GPHN: variants seen among roughly 807,000 people sequenced by gnomAD.
The protein encoded by GPHN is gephyrin.
Under a neutral mutation model 95.5 loss-of-function variants are expected in GPHN, and 17 were observed. The ratio of observed to expected loss-of-function variants is 0.18; its 90% confidence interval spans 0.12 to 0.27. The LOEUF (loss-of-function observed/expected upper bound fraction) is 0.27. Among genes scored for constraint, GPHN ranks in the 10% least tolerant of loss-of-function variants. The pLI, the probability that GPHN is intolerant of heterozygous loss-of-function variation, is 1.00. For missense variants in GPHN, 660 were observed against 978.1 expected (o/e 0.67, Z 4.34); for synonymous variants, 320 against 322.5 (o/e 0.99, Z 0.08).
intron 18 of GPHN, among the ~76,000 whole-genome samples, chr14:67,158,289 G>A (rs1872678814): frequency 7.1e-6 from 1 of 140,308 alleles, no homozygotes. Flanking sequence ...CCTGGAGGAC[G>A]AGAGCAAAAC....
chr14:67,648,010 ATTATT>A, the GPHN span: 3 of 1,546,598 alleles, frequency 1.9e-6, no homozygotes, highest in South Asian at 3.5e-5. Context: ...CCAGTTAAGT[ATTATT>A]TTAAGTATTA....
At chr14:66,686,370 A>G (rs1219540750) in intron 2 of GPHN, among the ~76,000 whole-genome samples, 7 of 152,176 alleles carry the variant, frequency 4.6e-5, no homozygotes, top group East Asian at 1.9e-4. Context: ...GATTCTTCCT[A>G]TCCATGAGCA....
intron 20 of GPHN, among the ~76,000 whole-genome samples, chr14:67,166,251 G>A (rs1411039397): frequency 1.3e-5 from 2 of 152,206 alleles, no homozygotes; most frequent in Non-Finnish European, 2.9e-5. Context: ...ATAGTCCTCA[G>A]AATGTATCTG....
At chr14:66,599,930 T>C (rs1192036670) in intron 1 of GPHN, among the ~76,000 whole-genome samples, 2 of 152,082 alleles carry the variant, frequency 1.3e-5, no homozygotes, top group African/African-American at 4.8e-5. Flanking sequence ...TTGGTAATTA[T>C]GTATGATGTT....
chr14:67,057,650 C>A (rs959326101), intron 10 of GPHN, among the ~76,000 whole-genome samples: 2 of 152,160 alleles, frequency 1.3e-5, no homozygotes, highest in African/African-American at 4.8e-5. Flanking sequence ...TTACTACCCT[C>A]TTTTTCTTTC....
chr14:66,984,016 T>C (rs1249673066), intron 9 of GPHN, among the ~76,000 whole-genome samples: 7 of 152,200 alleles, frequency 4.6e-5, no homozygotes, highest in Non-Finnish European at 7.3e-5. Flanking sequence ...AGATACCTAA[T>C]GTTGCTGAGC....
chr14:66,641,463 T>TATA (rs1346335775), intron 1 of GPHN, among the ~76,000 whole-genome samples: 1 of 152,182 alleles, frequency 6.6e-6, no homozygotes, highest in Non-Finnish European at 1.5e-5. Context: ...ATGGATGTTT[T>TATA]ATAATAATAA....
At chr14:67,057,198 T>C (rs8019510) in intron 10 of GPHN, among the ~76,000 whole-genome samples, 49,457 of 151,522 alleles carry the variant, frequency 0.33, 12,756 homozygotes, top group African/African-American at 0.7. Context: ...GTGCCAAGAG[T>C]GAGTGGGGGC....
intron 8 of GPHN, among the ~76,000 whole-genome samples, chr14:66,942,739 A>T (rs1156343350): frequency 1.3e-5 from 2 of 152,196 alleles, no homozygotes; most frequent in Admixed American, 1.3e-4. Context: ...CATGTAACTA[A>T]ATATGCCAAA....
At chr14:67,553,009 A>T in the GPHN span, among the ~76,000 whole-genome samples, 7 of 152,244 alleles carry the variant, frequency 4.6e-5, no homozygotes, top group Non-Finnish European at 8.8e-5. Flanking sequence ...GGTTCTGACC[A>T]ATGTCATTGA....
At chr14:67,223,851 C>T in the GPHN span, 1 of 985,784 alleles carries the variant, frequency 1.0e-6, no homozygotes, top group Non-Finnish European at 1.2e-6. Context: ...CTTTTACTCT[C>T]ACTTAACACC....
At chr14:66,678,623 A>G (rs898624551) in intron 1 of GPHN, among the ~76,000 whole-genome samples, 12 of 141,850 alleles carry the variant, frequency 8.5e-5, no homozygotes, top group African/African-American at 3.3e-4. Flanking sequence ...TTGTGTTTCT[A>G]TGGCAGTGTC....
chr14:67,022,390 C>A (rs1410855991), intron 9 of GPHN, among the ~76,000 whole-genome samples: 2 of 151,592 alleles, frequency 1.3e-5, no homozygotes, highest in African/African-American at 4.8e-5. Context: ...GATTTATTTC[C>A]CATTTGGTCC....
the GPHN span, among the ~76,000 whole-genome samples, chr14:67,300,060 T>G: frequency 6.6e-6 from 1 of 152,172 alleles, no homozygotes; most frequent in Non-Finnish European, 1.5e-5. Context: ...CCTTGTCCAT[T>G]GTAAGATTTT....
chr14:66,863,063 A>T, intron 4 of GPHN, among the ~76,000 whole-genome samples: 1 of 152,138 alleles, frequency 6.6e-6, no homozygotes, highest in East Asian at 1.9e-4. Context: ...ATATGATATT[A>T]TATCTAGAAA....
the GPHN span, chr14:67,223,821 A>C: frequency 1.0e-6 from 1 of 985,442 alleles, no homozygotes; most frequent in Non-Finnish European, 1.2e-6. Context: ...CCTCTAAATC[A>C]CCTGTTCCCC....
chr14:67,028,513 T>A (rs1240506285), intron 10 of GPHN, among the ~76,000 whole-genome samples: 1 of 152,162 alleles, frequency 6.6e-6, no homozygotes, highest in Admixed American at 6.5e-5. Context: ...TTTCTCCACA[T>A]CCTTACCAGT....
chr14:66,894,750 T>A (rs1441934927), intron 5 of GPHN, among the ~76,000 whole-genome samples: 2 of 151,996 alleles, frequency 1.3e-5, no homozygotes, highest in Non-Finnish European at 2.9e-5. Flanking sequence ...AACAGACACA[T>A]GAAAAAATGC....
At chr14:67,221,745 G>A in the GPHN span, 2 of 1,610,450 alleles carry the variant, frequency 1.2e-6, no homozygotes, top group South Asian at 1.1e-5. Context: ...GGTTATGCTG[G>A]CAAATTTTTG....
Sources: gnomAD v4.1 joint callset for allele counts (sites outside exome capture counted in the v4.1 genomes callset) on GRCh38, gnomAD v4.1.1 for gene constraint, MANE v1.5 for transcripts, NCBI Gene and HGNC (gene_info 2026-07-23, HGNC 2026-07-21) for gene names.